AGBL1: variants seen among roughly 807,000 people sequenced by gnomAD.
AGBL1 encodes the protein AGBL carboxypeptidase 1.
Under a neutral mutation model 118.9 loss-of-function variants are expected in AGBL1, and 130 were observed. The observed-to-expected ratio is 1.09, with a 90% CI of 0.95 to 1.26. The LOEUF (loss-of-function observed/expected upper bound fraction) is 1.26. Among genes scored for constraint, AGBL1 ranks in the 50% most tolerant of loss-of-function variants. The probability of loss-of-function intolerance (pLI) is 0.00; values close to 1 mark genes in which losing one functional copy is unlikely to be tolerated. For synonymous variants in AGBL1, 555 were observed against 478.9 expected (o/e 1.16, Z -2.08); for missense variants, 1,584 against 1,298.1 (o/e 1.22, Z -3.38).
chr15:86,884,408 G>A (rs192513060), intron 22 of AGBL1, among the ~76,000 whole-genome samples: 1 of 152,290 alleles, frequency 6.6e-6, no homozygotes, highest in Non-Finnish European at 1.5e-5. Flanking sequence ...TTTATTCCTG[G>A]AATTTTCCAT....
intron 3 of AGBL1, among the ~76,000 whole-genome samples, chr15:86,152,044 C>A (rs2141681039): frequency 6.6e-6 from 1 of 152,310 alleles, no homozygotes; most frequent in African/African-American, 2.4e-5. Flanking sequence ...GAAGAACATT[C>A]CATGCTTGTA....
chr15:86,465,623 ATGTG>A (rs1370783052), intron 18 of AGBL1, among the ~76,000 whole-genome samples: 2 of 152,152 alleles, frequency 1.3e-5, no homozygotes, highest in Non-Finnish European at 2.9e-5. Context: ...GCCGCTCTGG[ATGTG>A]TCTGTCTTAT....
At chr15:86,197,947 A>G (rs1597533815) in intron 5 of AGBL1, among the ~76,000 whole-genome samples, 1 of 152,042 alleles carries the variant, frequency 6.6e-6, no homozygotes, top group East Asian at 1.9e-4. Flanking sequence ...GATCAAGGCT[A>G]CCACTCACAT....
At chr15:86,944,913 G>A (rs1215295601) in intron 23 of AGBL1, among the ~76,000 whole-genome samples, 1 of 152,158 alleles carries the variant, frequency 6.6e-6, no homozygotes, top group Admixed American at 6.5e-5. Context: ...CTTACAGTAG[G>A]ACAACGGCTG....
intron 24 of AGBL1, among the ~76,000 whole-genome samples, chr15:87,000,893 T>C (rs1345903102): frequency 1.4e-5 from 2 of 144,434 alleles, no homozygotes; most frequent in East Asian, 4.0e-4. Context: ...TTGTATCCTC[T>C]TTTATTTCCT....
At chr15:86,652,640 A>C (rs945039637) in intron 21 of AGBL1, among the ~76,000 whole-genome samples, 1 of 152,132 alleles carries the variant, frequency 6.6e-6, no homozygotes, top group Non-Finnish European at 1.5e-5. Context: ...AAAATCTTCC[A>C]ATATTTGTTT....
intron 24 of AGBL1, among the ~76,000 whole-genome samples, chr15:87,023,268 A>G (rs1389389589): frequency 6.6e-6 from 1 of 152,074 alleles, no homozygotes; most frequent in African/African-American, 2.4e-5. Flanking sequence ...CACAAACTTA[A>G]GTGAAAGGGG....
chr15:86,256,824 G>A (rs2078902967), intron 7 of AGBL1, 29 bp from the exon 8 acceptor site: 2 of 1,610,642 alleles, frequency 1.2e-6, no homozygotes, highest in Non-Finnish European at 1.7e-6. Flanking sequence ...CCAGATGTTG[G>A]CATCTGATAT....
At chr15:86,633,897 GTATA>G (rs200863060) in intron 21 of AGBL1, among the ~76,000 whole-genome samples, 1 of 61,298 alleles carries the variant, frequency 1.6e-5, no homozygotes, top group Non-Finnish European at 4.6e-5. Context: ...TATATATAAT[GTATA>G]TATATATAAC....
chr15:87,018,077 TA>T (rs1174469330), intron 24 of AGBL1, among the ~76,000 whole-genome samples: 2 of 151,622 alleles, frequency 1.3e-5, no homozygotes, highest in Non-Finnish European at 2.9e-5. Flanking sequence ...TAGAGAAAAA[TA>T]ATGAAAAGGA....
rs187753856 is a variant in AGBL1 at position 86,146,392 on chromosome 15, C to T, written c.262+2547C>T. 3.8e-3 allele frequency among the ~76,000 whole-genome samples: 572 copies of T among 151,922 alleles called. 2 individuals are homozygous for T. Among genetic ancestry groups the T allele is most frequent in the Non-Finnish European group, 5.6e-3 (381 of 67,948 alleles). On this transcript the variant is annotated intron_variant, in intron 3 of 22. Transcript: ENST00000614907. ...TCTGAGGATGTGTGTAGATTATATGCAAATACTACACCATTTTATATCAGG... is the reference window on the plus strand; with the variant it reads ...TCTGAGGATGTGTGTAGATTATATGTAAATACTACACCATTTTATATCAGG...
rs561906974 is a variant in AGBL1, at chr15:86,419,533, T to A, written c.2555+21987T>A. 4.0e-5 allele frequency among the ~76,000 whole-genome samples: 6 copies of A among 151,668 alleles called. No individual in the cohort carries two copies. In the South Asian group the frequency reaches 1.3e-3, roughly 32 times the overall value. On this transcript the variant is annotated intron_variant, in intron 18 of 22. Coordinates refer to ENST00000614907, the MANE Select transcript of AGBL1 (RefSeq NM_001386094.1). ...GGTTTCAAGCACAAAACTGGGTGGC[T>A]GTTTGGGCAGACACTAAGCTAGCTG...
Position 86,655,881 on chromosome 15 carries a change from C to T in AGBL1, c.2995-18392C>T, listed in dbSNP as rs530587408. Reference sequence around the variant, plus strand: ...GTAGTTTTGCTGCTATACCACATTACTATAGATGGTTAGTGTGAGTTAGAA... The same window carrying T: ...GTAGTTTTGCTGCTATACCACATTATTATAGATGGTTAGTGTGAGTTAGAA... On this transcript the variant is annotated intron_variant, in intron 21 of 22. Transcript: ENST00000614907. Among the ~76,000 whole-genome samples the T allele has an allele frequency of 5.3e-5, 8 of 152,240 alleles. No individual in the cohort carries two copies. The South Asian group carries it at 1.0e-3, about 20-fold the overall frequency.
chr15:86,232,038 G>A lies in AGBL1; in HGVS notation c.526+7087G>A, dbSNP rs536423397. 3.6e-3 allele frequency among the ~76,000 whole-genome samples: 551 copies of A among 152,304 alleles called. 4 individuals are homozygous for A. The highest frequency in any genetic ancestry group is 0.013 in the African/African-American group (520 of 41,576). ...CTGCCCTGAGGCCGAGCCTCAGGCC[G>A]GCCGATGAATGGTGGGGTGAGAGAG... On this transcript the variant is annotated intron_variant, in intron 6 of 22. Coordinates refer to ENST00000614907, the MANE Select transcript of AGBL1 (RefSeq NM_001386094.1).
At chr15:86,958,300 C>T (rs2080954335) in intron 23 of AGBL1, among the ~76,000 whole-genome samples, 1 of 151,926 alleles carries the variant, frequency 6.6e-6, no homozygotes, top group African/African-American at 2.4e-5. Context: ...GTGTCCCTGG[C>T]CACTGCCCCT....
chr15:86,445,122 C>A (rs905569773), intron 18 of AGBL1, among the ~76,000 whole-genome samples: 1 of 152,154 alleles, frequency 6.6e-6, no homozygotes, highest in African/African-American at 2.4e-5. Context: ...ATGTGGCTTA[C>A]ATTAAAGGCC....
chr15:86,162,412 GCT>G (rs1194322298), intron 5 of AGBL1, among the ~76,000 whole-genome samples: 3 of 152,186 alleles, frequency 2.0e-5, no homozygotes, highest in Non-Finnish European at 4.4e-5. Flanking sequence ...CTCCAATGAA[GCT>G]CTGTCTCCAG....
chr15:86,095,608 A>AT (rs1206388374), intron 1 of AGBL1, among the ~76,000 whole-genome samples: 1 of 121,944 alleles, frequency 8.2e-6, no homozygotes, highest in Non-Finnish European at 1.7e-5. Context: ...CCAAATATAT[A>AT]TTTTTTACCA....
At chr15:86,273,293 G>T (rs946335638) in intron 15 of AGBL1, among the ~76,000 whole-genome samples, 4 of 152,130 alleles carry the variant, frequency 2.6e-5, no homozygotes, top group Non-Finnish European at 5.9e-5. Context: ...AGAGCTATTA[G>T]CAAGACAATT....
Sources: allele counts gnomAD v4.1 joint callset (sites outside exome capture counted in the v4.1 genomes callset), GRCh38; gene constraint gnomAD v4.1.1; transcripts MANE v1.5; gene names NCBI Gene and HGNC (gene_info 2026-07-23, HGNC 2026-07-21).